Variants in KCND3 observed in about 807,000 individuals in gnomAD.
KCND3 encodes A-type voltage-gated potassium channel KCND3.
Under a neutral mutation model 51.1 loss-of-function variants are expected in KCND3, and 9 were observed. The observed-to-expected ratio is 0.18, with a 90% CI of 0.11 to 0.31. KCND3 has a LOEUF of 0.31. Ranked by LOEUF, KCND3 falls within the 10% of genes least tolerant of loss-of-function variation. KCND3 has a pLI of 1.00. For synonymous variants in KCND3, 349 were observed against 368.0 expected (o/e 0.95, Z 0.59); for missense variants, 526 against 903.8 (o/e 0.58, Z 5.36).
rs1471282255 is a variant in KCND3 at position 111,947,827 on chromosome 1, G to A, written c.1106+33794C>T. ...AGAGGGACCTGTGAAATCCTGGGCT[G>A]GGATGATAATTGTTGTTCGATTAGT... On this transcript the variant is annotated intron_variant, in intron 2 of 7. Coordinates refer to ENST00000302127, the MANE Select transcript of KCND3 (RefSeq NM_001378969.1). Among the ~76,000 whole-genome samples, 3 of 152,182 alleles carry A rather than the reference G, an allele frequency of 2.0e-5. No individual in the cohort carries two copies. The South Asian group carries it at 6.2e-4, about 32-fold the overall frequency.
chr1:111,923,664 T>C (rs1404518883), intron 2 of KCND3, among the ~76,000 whole-genome samples: 1 of 152,228 alleles, frequency 6.6e-6, no homozygotes, highest in Non-Finnish European at 1.5e-5. Flanking sequence ...TTTATTTCTG[T>C]ACTGCCAGCT....
chr1:111,880,686 A>G (rs1273458635), intron 2 of KCND3, among the ~76,000 whole-genome samples: 1 of 152,232 alleles, frequency 6.6e-6, no homozygotes, highest in African/African-American at 2.4e-5. Context: ...TGGCTCATTT[A>G]AACCTTATTG....
At chr1:111,935,071 C>A (rs1672155860) in intron 2 of KCND3, among the ~76,000 whole-genome samples, 2 of 152,182 alleles carry the variant, frequency 1.3e-5, no homozygotes, top group Non-Finnish European at 2.9e-5. Flanking sequence ...CCAAATCCAT[C>A]TATCTATATG....
At chr1:111,954,439 G>C (rs1247601971) in intron 2 of KCND3, among the ~76,000 whole-genome samples, 1 of 152,202 alleles carries the variant, frequency 6.6e-6, no homozygotes, top group Non-Finnish European at 1.5e-5. Context: ...GAGACCATTT[G>C]TGTCATCTAA....
intron 2 of KCND3, among the ~76,000 whole-genome samples, chr1:111,916,375 A>C (rs1220397212): frequency 6.6e-6 from 1 of 152,218 alleles, no homozygotes; most frequent in East Asian, 1.9e-4. Context: ...TTTGAACTGA[A>C]AAAAATGACA....
At chr1:111,967,030 C>T (rs1477422078) in intron 2 of KCND3, among the ~76,000 whole-genome samples, 1 of 151,622 alleles carries the variant, frequency 6.6e-6, no homozygotes, top group Non-Finnish European at 1.5e-5. Flanking sequence ...ATCCCAGCTA[C>T]TTGGGAGGCT....
intron 2 of KCND3, among the ~76,000 whole-genome samples, chr1:111,963,489 T>G (rs72694634): frequency 6.6e-6 from 1 of 152,246 alleles, no homozygotes; most frequent in Admixed American, 6.5e-5. Context: ...ATGATAGTAA[T>G]GCCTACTTGA....
At chr1:111,929,706 A>G (rs769465526) in intron 2 of KCND3, among the ~76,000 whole-genome samples, 47 of 152,082 alleles carry the variant, frequency 3.1e-4, no homozygotes, top group Admixed American at 2.7e-3. Flanking sequence ...GTGCCTTTCT[A>G]CCTGTCAAAG....
chr1:111,862,577 T>C (rs1411681004), intron 2 of KCND3, among the ~76,000 whole-genome samples: 1 of 152,240 alleles, frequency 6.6e-6, no homozygotes. Context: ...GTTCTCACAA[T>C]ACCCTTTAAT....
chr1:111,959,729 A>C (rs916083677), intron 2 of KCND3, among the ~76,000 whole-genome samples: 2 of 152,184 alleles, frequency 1.3e-5, no homozygotes, highest in African/African-American at 4.8e-5. Context: ...CTGTAGGTAC[A>C]TGGTAGAACT....
Position 111,982,773 on chromosome 1 carries a change from C to G in KCND3, c.-47G>C, listed in dbSNP as rs776077160. 82 of 1,567,756 alleles carry G rather than the reference C, an allele frequency of 5.2e-5. No homozygotes were observed. In the South Asian group the frequency reaches 8.5e-4, roughly 16 times the overall value. On this transcript the variant is annotated 5_prime_UTR_variant, in exon 2 of 8. Coordinates refer to ENST00000302127, the MANE Select transcript of KCND3 (RefSeq NM_001378969.1). The surrounding 1 kb of genome is among the most constrained non-coding windows in gnomAD (Gnocchi z 8.5). Reference sequence around the variant, plus strand: ...GGCAGCCGCGCGGACGCTAGGCACACCAGCTTGGAGTTAGTTCAGCAAACC... The same window carrying G: ...GGCAGCCGCGCGGACGCTAGGCACAGCAGCTTGGAGTTAGTTCAGCAAACC...
chr1:111,954,322 C>T (rs1557743211), intron 2 of KCND3, among the ~76,000 whole-genome samples: 1 of 152,164 alleles, frequency 6.6e-6, no homozygotes, highest in Non-Finnish European at 1.5e-5. Flanking sequence ...ACTGTGCCCG[C>T]TACCCCACCC....
chr1:111,893,326 C>A (rs1669937951), intron 2 of KCND3, among the ~76,000 whole-genome samples: 2 of 151,956 alleles, frequency 1.3e-5, no homozygotes. Flanking sequence ...TGAACTGGGG[C>A]CTGAAGGATG....
In KCND3 at chr1:111,893,460, T is replaced by A. The variant is rs60417132; in HGVS notation, c.1106+88161A>T. Among the ~76,000 whole-genome samples the A allele has an allele frequency of 9.2e-3, 1,396 of 152,228 alleles. 17 individuals are homozygous for A. Among genetic ancestry groups the A allele is most frequent in the African/African-American group, 0.032 (1,344 of 41,522 alleles). Reference sequence around the variant, plus strand: ...GCCTTGGTAGGAGACTCGGGACTATTGAGTGCCAGGCACAGGCTGTGGAAG... The same window carrying A: ...GCCTTGGTAGGAGACTCGGGACTATAGAGTGCCAGGCACAGGCTGTGGAAG... On this transcript the variant is annotated intron_variant, in intron 2 of 7. Coordinates refer to ENST00000302127, the MANE Select transcript of KCND3 (RefSeq NM_001378969.1).
chr1:111,933,059 G>C (rs1672055084), intron 2 of KCND3, among the ~76,000 whole-genome samples: 1 of 152,138 alleles, frequency 6.6e-6, no homozygotes, highest in Admixed American at 6.5e-5. Context: ...TCAGATTATG[G>C]GGGCGGTTTC....
At position 111,771,279 on chromosome 1, in the gene KCND3, C is replaced by A. The variant is rs1435431364; in HGVS notation, c.*4798G>T. On this transcript the variant is annotated 3_prime_UTR_variant, in exon 8 of 8. Coordinates refer to ENST00000302127, the MANE Select transcript of KCND3 (RefSeq NM_001378969.1). ...TTCTCTTAGTTTTAATGATGCTCTT[C>A]ATGGTGCTGTTTGGGCTCCGAGGGT... 6.6e-6 allele frequency: 1 copy of A among 152,204 alleles called. No individual in the cohort carries two copies. Among genetic ancestry groups the A allele is most frequent in the Non-Finnish European group, 1.5e-5 (1 of 68,022 alleles). 9.4% of individuals were successfully genotyped at this position (152,204 alleles called of 1,614,324 possible). A position where few individuals can be genotyped will look rare whatever the true frequency, so the allele number is the denominator to read the frequency against.
intron 2 of KCND3, among the ~76,000 whole-genome samples, chr1:111,845,948 T>G (rs745622852): frequency 1.3e-5 from 2 of 152,210 alleles, no homozygotes; most frequent in Non-Finnish European, 2.9e-5. Context: ...CTGGTTGGCT[T>G]CAGCCTAGTC....
At chr1:111,966,101 C>T (rs1673971597) in intron 2 of KCND3, among the ~76,000 whole-genome samples, 1 of 152,158 alleles carries the variant, frequency 6.6e-6, no homozygotes, top group African/African-American at 2.4e-5. Flanking sequence ...CTCCCCAGTC[C>T]TTATCCCCTC....
At chr1:111,924,026 A>G (rs1393676348) in intron 2 of KCND3, among the ~76,000 whole-genome samples, 1 of 152,192 alleles carries the variant, frequency 6.6e-6, no homozygotes, top group Non-Finnish European at 1.5e-5. Context: ...GGCCAGGACC[A>G]CCAGCACAAC....
Sources: gnomAD v4.1 joint callset for allele counts (sites outside exome capture counted in the v4.1 genomes callset) on GRCh38, gnomAD v4.1.1 for gene constraint, Gnocchi (gnomAD v3.1) non-coding constraint, MANE v1.5 for transcripts, NCBI Gene and HGNC (gene_info 2026-07-23, HGNC 2026-07-21) for gene names.